PLD5: variants seen among roughly 807,000 people sequenced by gnomAD.
PLD5 encodes the protein phospholipase D family member 5.
PLD5 carries 36 observed loss-of-function variants against 61.1 expected under a neutral mutation model. The observed-to-expected ratio is 0.59, with a 90% CI of 0.45 to 0.78. The LOEUF is 0.78. Ranked by LOEUF, PLD5 falls within the 30% of genes least tolerant of loss-of-function variation. The pLI is 0.00. For synonymous variants in PLD5, 243 were observed against 242.8 expected (o/e 1.00, Z -0.01); for missense variants, 515 against 644.4 (o/e 0.80, Z 2.17).
chr1:242,266,706 C>G (rs1007026987), intron 3 of PLD5, among the ~76,000 whole-genome samples: 2 of 152,246 alleles, frequency 1.3e-5, no homozygotes, highest in Non-Finnish European at 2.9e-5. Flanking sequence ...AAGGTCTTAT[C>G]TTGCTCTGGT....
At chr1:242,515,488 C>T (rs1669075801) in intron 1 of PLD5, among the ~76,000 whole-genome samples, 1 of 152,210 alleles carries the variant, frequency 6.6e-6, no homozygotes, top group Non-Finnish European at 1.5e-5. Flanking sequence ...GCTGGGATTA[C>T]AGGCGTGTGC....
chr1:242,451,151 T>A (rs1475115062), intron 1 of PLD5, among the ~76,000 whole-genome samples: 2 of 152,148 alleles, frequency 1.3e-5, no homozygotes, highest in Non-Finnish European at 2.9e-5. Context: ...GTCTGCTTTT[T>A]TCCATTAGCC....
At chr1:242,276,803 G>A (rs1202705018) in intron 3 of PLD5, among the ~76,000 whole-genome samples, 1 of 152,006 alleles carries the variant, frequency 6.6e-6, no homozygotes, top group Non-Finnish European at 1.5e-5. Context: ...GAGGCATGCA[G>A]GCTGCCTGTC....
At chr1:242,286,063 C>T (rs1675003863) in intron 3 of PLD5, among the ~76,000 whole-genome samples, 1 of 151,900 alleles carries the variant, frequency 6.6e-6, no homozygotes, top group African/African-American at 2.4e-5. Flanking sequence ...GAGCCGAGGT[C>T]GCACCACTAC....
intron 1 of PLD5, among the ~76,000 whole-genome samples, chr1:242,423,425 G>A (rs529084204): frequency 3.6e-4 from 55 of 152,124 alleles, no homozygotes; most frequent in Non-Finnish European, 6.5e-4. Context: ...ATACTGTGGC[G>A]AAATACGTGA....
intron 2 of PLD5, among the ~76,000 whole-genome samples, chr1:242,321,349 G>A (rs958626273): frequency 6.6e-6 from 1 of 151,194 alleles, no homozygotes; most frequent in Admixed American, 6.6e-5. Context: ...TGTTGCCCAG[G>A]CTGGAGTACA....
At chr1:242,454,446 T>C (rs1264041895) in intron 1 of PLD5, among the ~76,000 whole-genome samples, 1 of 151,568 alleles carries the variant, frequency 6.6e-6, no homozygotes, top group East Asian at 1.9e-4. Context: ...TCTGTTTCAA[T>C]AGACTTAAAT....
intron 5 of PLD5, among the ~76,000 whole-genome samples, chr1:242,150,852 T>C (rs1664876095): frequency 1.3e-5 from 2 of 151,866 alleles, no homozygotes; most frequent in Admixed American, 1.3e-4. Flanking sequence ...CTTCCATTTT[T>C]CCTCATCTAT....
chr1:242,160,040 C>G (rs1402123657), intron 5 of PLD5, among the ~76,000 whole-genome samples: 1 of 151,268 alleles, frequency 6.6e-6, no homozygotes. Flanking sequence ...TAGATAGGGT[C>G]TTGCTTTGTC....
intron 5 of PLD5, among the ~76,000 whole-genome samples, chr1:242,218,896 T>A (rs1036868434): frequency 6.6e-6 from 1 of 152,166 alleles, no homozygotes; most frequent in Non-Finnish European, 1.5e-5. Flanking sequence ...TGGAATGAGG[T>A]TATACTCTTT....
chr1:242,367,945 A>G (rs868077735), intron 1 of PLD5, among the ~76,000 whole-genome samples: 1 of 152,316 alleles, frequency 6.6e-6, no homozygotes, highest in Middle Eastern at 3.4e-3. Context: ...TTGAAAGTAA[A>G]TTTATGTTCT....
rs34110062 is a variant in PLD5, at chr1:242,207,991, T to TACACACACACACAC, written c.735+11983_735+11996dup. ...ATATATATTTTTATATATATATTTA[T>TACACACACACACAC]ACACACACACACACACACACACACA... On this transcript the variant is annotated intron_variant, in intron 5 of 9. Transcript: ENST00000536534. Among the ~76,000 whole-genome samples, 174 of 40,256 alleles carry TACACACACACACAC rather than the reference T, an allele frequency of 4.3e-3. 17 individuals carry two copies. The highest frequency in any genetic ancestry group is 0.021 in the East Asian group (30 of 1,438). 26.4% of individuals were successfully genotyped at this position (40,256 alleles called of 152,430 possible). A position where few individuals can be genotyped will look rare whatever the true frequency, so the allele number is the denominator to read the frequency against.
intron 1 of PLD5, among the ~76,000 whole-genome samples, chr1:242,412,810 AT>A (rs1664627110): frequency 6.6e-6 from 1 of 152,186 alleles, no homozygotes; most frequent in Non-Finnish European, 1.5e-5. Context: ...ACAAGTCTTC[AT>A]TTCTCTGGGA....
chr1:242,134,949 C>T (rs898371531), intron 5 of PLD5, among the ~76,000 whole-genome samples: 1 of 152,198 alleles, frequency 6.6e-6, no homozygotes, highest in South Asian at 2.1e-4. Flanking sequence ...TGAGTGCAAT[C>T]GCTGCCCATC....
intron 1 of PLD5, among the ~76,000 whole-genome samples, chr1:242,423,078 T>G (rs1665235256): frequency 1.3e-5 from 2 of 152,044 alleles, no homozygotes; most frequent in African/African-American, 4.8e-5. Flanking sequence ...CTTAAACTCC[T>G]GGGCTCAAGC....
At chr1:242,459,026 T>C (rs1667030445) in intron 1 of PLD5, among the ~76,000 whole-genome samples, 1 of 152,158 alleles carries the variant, frequency 6.6e-6, no homozygotes. Flanking sequence ...TGTGGATAAA[T>C]GGCAAAAAAA....
intron 5 of PLD5, among the ~76,000 whole-genome samples, chr1:242,164,821 A>G (rs1666182379): frequency 6.6e-6 from 1 of 152,158 alleles, no homozygotes; most frequent in Non-Finnish European, 1.5e-5. Context: ...CTTGATTTGT[A>G]TGTGATTAAT....
chr1:242,117,386 ATT>A (rs35814106), intron 6 of PLD5, among the ~76,000 whole-genome samples: 2,161 of 148,558 alleles, frequency 0.015, 40 homozygotes, highest in African/African-American at 0.046. Flanking sequence ...TCCTCCATGA[ATT>A]TTTTTTTTTT....
chr1:242,447,974 G>A (rs917329554), intron 1 of PLD5, among the ~76,000 whole-genome samples: 4 of 152,182 alleles, frequency 2.6e-5, no homozygotes, highest in Admixed American at 2.0e-4. Context: ...CAAGCATTCA[G>A]GCAAAACATT....
Sources: allele counts gnomAD v4.1 joint callset (sites outside exome capture counted in the v4.1 genomes callset), GRCh38; gene constraint gnomAD v4.1.1; transcripts MANE v1.5; gene names NCBI Gene and HGNC (gene_info 2026-07-23, HGNC 2026-07-21).